SORBS2: variants seen among roughly 807,000 people sequenced by gnomAD.
SORBS2 encodes sorbin and SH3 domain-containing protein 2.
Under a neutral mutation model 97.7 loss-of-function variants are expected in SORBS2, and 46 were observed. The ratio of observed to expected loss-of-function variants is 0.47; its 90% confidence interval spans 0.37 to 0.60. The LOEUF (loss-of-function observed/expected upper bound fraction) is 0.60, where lower values mean the gene tolerates loss of function less well. SORBS2 is among the 20% of genes least tolerant of loss of function. The pLI is 0.00. For synonymous variants in SORBS2, 476 were observed against 473.4 expected, an observed-to-expected ratio of 1.01 and a Z score of -0.07; for missense variants, 1,316 against 1,282.3, an observed-to-expected ratio of 1.03 and a Z score of -0.40.
chr4:185,735,491 AAC>A (rs886921157), intron 2 of SORBS2, among the ~76,000 whole-genome samples: 1 of 151,718 alleles, frequency 6.6e-6, no homozygotes. Context: ...AAAAAGGGCA[AAC>A]ACACACACAC....
chr4:185,676,341 CA>C (rs1406402204), intron 4 of SORBS2, among the ~76,000 whole-genome samples: 3 of 152,092 alleles, frequency 2.0e-5, no homozygotes, highest in Admixed American at 6.6e-5. Context: ...ATGGAGAAGT[CA>C]AAAAGAGAAG....
At chr4:185,881,859 T>G (rs1053104018) in intron 1 of SORBS2, among the ~76,000 whole-genome samples, 1 of 152,194 alleles carries the variant, frequency 6.6e-6, no homozygotes, top group African/African-American at 2.4e-5. Context: ...AAATTGTTAA[T>G]GTTGTTTATC....
chr4:185,865,991 G>A (rs2099226672), intron 1 of SORBS2, among the ~76,000 whole-genome samples: 1 of 152,190 alleles, frequency 6.6e-6, no homozygotes, highest in South Asian at 2.1e-4. Flanking sequence ...GGGTCTCTGT[G>A]AACTCTCGCC....
chr4:185,614,569 C>T, intron 11 of SORBS2: 1 of 418,092 alleles, frequency 2.4e-6, no homozygotes, highest in Non-Finnish European at 4.2e-6. Flanking sequence ...CCTTGATTTT[C>T]AGCCCCATGC....
chr4:185,823,030 TA>T (rs2099197721), intron 1 of SORBS2, among the ~76,000 whole-genome samples: 1 of 152,214 alleles, frequency 6.6e-6, no homozygotes, highest in Admixed American at 6.5e-5. Context: ...TCTCCACAGG[TA>T]GCTACTCTGT....
At chr4:185,656,879 A>G (rs2097415810) in exon 1 of SORBS2, 1 of 1,281,166 alleles carries the variant, frequency 7.8e-7, no homozygotes. Flanking sequence ...GAAGAGGGAC[A>G]TTAAAATGTG....
chr4:185,797,316 C>T lies in SORBS2; in HGVS notation c.-337-21950G>A, dbSNP rs991050249. ...GTTCATGCCCAAGTTTTCCTCTTGT[C>T]GAATTCATCGACACTATCATTTCGT... On this transcript the variant is annotated intron_variant, in intron 1 of 20. Transcript: ENST00000284776. Among the ~76,000 whole-genome samples, 4 of 152,216 alleles carry T rather than the reference C, an allele frequency of 2.6e-5. No individual in the cohort carries two copies. The South Asian group carries it at 8.3e-4, about 32-fold the overall frequency.
chr4:185,805,016 T>C (rs1240084502), intron 1 of SORBS2, among the ~76,000 whole-genome samples: 1 of 152,086 alleles, frequency 6.6e-6, no homozygotes, highest in Non-Finnish European at 1.5e-5. Flanking sequence ...TTTTTTATTT[T>C]ACAAAAGAAA....
At chr4:185,928,289 A>G (rs1579537700) in intron 1 of SORBS2, among the ~76,000 whole-genome samples, 1 of 152,282 alleles carries the variant, frequency 6.6e-6, no homozygotes, top group East Asian at 1.9e-4. Context: ...CTGTGGTCCC[A>G]GCTCATTGGG....
At chr4:185,916,506 T>G (rs1476145951) in intron 1 of SORBS2, among the ~76,000 whole-genome samples, 1 of 152,218 alleles carries the variant, frequency 6.6e-6, no homozygotes, top group Non-Finnish European at 1.5e-5. Flanking sequence ...TCGATCACAT[T>G]AGCCAACTGA....
intron 2 of SORBS2, among the ~76,000 whole-genome samples, chr4:185,682,079 T>C (rs2097878595): frequency 6.6e-6 from 1 of 152,232 alleles, no homozygotes; most frequent in African/African-American, 2.4e-5. Flanking sequence ...TTATAACCCT[T>C]TTCATTTATT....
chr4:185,605,924 T>C (rs1455415998), intron 12 of SORBS2: 3 of 217,378 alleles, frequency 1.4e-5, no homozygotes, highest in African/African-American at 7.0e-5. Context: ...TTTCTGCCTT[T>C]GTTGATTAAA....
intron 8 of SORBS2, among the ~76,000 whole-genome samples, 159 bp downstream of exon 20, chr4:185,619,904 G>A (rs1041647054): frequency 1.3e-5 from 2 of 152,212 alleles, no homozygotes; most frequent in Non-Finnish European, 2.9e-5. Context: ...TCTAGGGTCA[G>A]AGTTGCTATG....
intron 1 of SORBS2, among the ~76,000 whole-genome samples, chr4:185,922,879 G>A (rs2099261579): frequency 6.6e-6 from 1 of 152,140 alleles, no homozygotes; most frequent in Non-Finnish European, 1.5e-5. Flanking sequence ...ACCCAGTTTA[G>A]TTTCCTTGCT....
intron 9 of SORBS2, among the ~76,000 whole-genome samples, chr4:185,618,063 C>T (rs1177432000): frequency 6.6e-6 from 1 of 152,192 alleles, no homozygotes; most frequent in Non-Finnish European, 1.5e-5. Context: ...CAGCGTCTAC[C>T]TCCCGGTGAA....
At chr4:185,930,409 C>A (rs1326696390) in intron 1 of SORBS2, among the ~76,000 whole-genome samples, 1 of 152,120 alleles carries the variant, frequency 6.6e-6, no homozygotes, top group African/African-American at 2.4e-5. Context: ...ATTCTCCTGC[C>A]TCAGCCTCCC....
At chr4:185,649,753 T>TTCTATGCAATCATTG in intron 2 of SORBS2, 97 bp from the exon 12 acceptor site, 1 of 711,384 alleles carries the variant, frequency 1.4e-6, no homozygotes, top group Non-Finnish European at 2.1e-6. Flanking sequence ...AGCCAATGAT[T>TTCTATGCAATCATTG]GCATAGAAAT....
intron 1 of SORBS2, among the ~76,000 whole-genome samples, chr4:185,951,072 C>A (rs184745334): frequency 1.3e-5 from 2 of 152,284 alleles, no homozygotes; most frequent in South Asian, 2.1e-4. Context: ...ACATCATACT[C>A]AACAAAACAA....
chr4:185,675,616 G>A (rs2097779525), intron 4 of SORBS2, among the ~76,000 whole-genome samples: 1 of 152,078 alleles, frequency 6.6e-6, no homozygotes. Context: ...CATAAAATAA[G>A]GACAGTAGTA....
Sources: gnomAD v4.1 joint callset for allele counts (sites outside exome capture counted in the v4.1 genomes callset) on GRCh38, gnomAD v4.1.1 for gene constraint, MANE v1.5 for transcripts, NCBI Gene and HGNC (gene_info 2026-07-23, HGNC 2026-07-21) for gene names.